GRIK3: variants seen among roughly 807,000 people sequenced by gnomAD.
The protein encoded by GRIK3 is glutamate ionotropic receptor kainate type subunit 3, also known as glutamate receptor ionotropic, kainate 3.
In GRIK3, 29 loss-of-function variants were observed where a neutral mutation model predicts 102.5. That is an observed-to-expected ratio of 0.28 (90% CI 0.21 to 0.39). The LOEUF (loss-of-function observed/expected upper bound fraction) is 0.39. Among genes scored for constraint, GRIK3 ranks in the 10% least tolerant of loss-of-function variants. GRIK3 has a pLI of 1.00. For missense variants in GRIK3, 908 were observed against 1,252.4 expected (o/e 0.73, Z 4.15); for synonymous variants, 511 against 504.9 (o/e 1.01, Z -0.16).
At chr1:36,884,828 ATGCCTTG>A (rs1641020048) in intron 2 of GRIK3, among the ~76,000 whole-genome samples, 1 of 152,140 alleles carries the variant, frequency 6.6e-6, no homozygotes, top group African/African-American at 2.4e-5. Flanking sequence ...TCATTGATTG[ATGCCTTG>A]AAGCAGTCAG....
intron 1 of GRIK3, among the ~76,000 whole-genome samples, chr1:37,029,991 G>C (rs949564801): frequency 1.3e-5 from 2 of 152,178 alleles, no homozygotes; most frequent in African/African-American, 4.8e-5. Context: ...AAAGACCCTA[G>C]GTCATTCTGA....
intron 13 of GRIK3, among the ~76,000 whole-genome samples, chr1:36,809,152 CCCATCCATCCAT>C (rs56242743): frequency 6.6e-6 from 1 of 150,994 alleles, no homozygotes. Context: ...TACCCATCAA[CCCATCCATCCAT>C]CCATCCATCC....
At chr1:36,858,309 T>G (rs1407424406) in intron 7 of GRIK3, among the ~76,000 whole-genome samples, 1 of 152,208 alleles carries the variant, frequency 6.6e-6, no homozygotes, top group Non-Finnish European at 1.5e-5. Flanking sequence ...ATCAAAGAGT[T>G]AATCAGCTCA....
At chr1:36,818,442 C>T (rs2124190657) in intron 12 of GRIK3, among the ~76,000 whole-genome samples, 1 of 152,324 alleles carries the variant, frequency 6.6e-6, no homozygotes, top group African/African-American at 2.4e-5. Context: ...TGTCCCCTCC[C>T]CAACTGGCCA....
At chr1:36,809,958 T>G (rs1642544470) in intron 13 of GRIK3, among the ~76,000 whole-genome samples, 1 of 152,134 alleles carries the variant, frequency 6.6e-6, no homozygotes. Flanking sequence ...TCCATCACCT[T>G]CAGGTAGATG....
At chr1:36,917,171 A>G (rs1047749267) in intron 1 of GRIK3, among the ~76,000 whole-genome samples, 1 of 152,220 alleles carries the variant, frequency 6.6e-6, no homozygotes, top group Non-Finnish European at 1.5e-5. Context: ...TCAGACTTGC[A>G]TGGGGCCTGT....
chr1:37,024,324 G>A (rs1337242965), intron 1 of GRIK3, among the ~76,000 whole-genome samples: 10 of 152,058 alleles, frequency 6.6e-5, no homozygotes, highest in Non-Finnish European at 5.9e-5. Context: ...AGTGGGCATG[G>A]TGATCATAAT....
chr1:36,826,711 A>C (rs901498931), intron 10 of GRIK3, among the ~76,000 whole-genome samples: 3 of 151,882 alleles, frequency 2.0e-5, no homozygotes, highest in Non-Finnish European at 2.9e-5. Context: ...GAAACAAAAG[A>C]AGCAAATCCA....
intron 7 of GRIK3, among the ~76,000 whole-genome samples, chr1:36,854,802 C>T (rs891763119): frequency 6.6e-5 from 10 of 152,184 alleles, no homozygotes; most frequent in Admixed American, 3.9e-4. Context: ...CTGTTCATGC[C>T]GTGCAACCTC....
chr1:36,943,430 T>C (rs965670092), intron 1 of GRIK3, among the ~76,000 whole-genome samples: 1 of 152,100 alleles, frequency 6.6e-6, no homozygotes, highest in Non-Finnish European at 1.5e-5. Flanking sequence ...TAAAGTAGCC[T>C]TCCTCTGACT....
intron 5 of GRIK3, among the ~76,000 whole-genome samples, chr1:36,868,407 C>G (rs1640808961): frequency 6.6e-6 from 1 of 152,228 alleles, no homozygotes; most frequent in Admixed American, 6.5e-5. Flanking sequence ...CCTGGCAGGT[C>G]CCCAGGTCTG....
Position 37,032,175 on chromosome 1 carries a change from C to T in GRIK3, c.115+1819G>A, listed in dbSNP as rs1642835308. ...CTCTTCCTAAGGGCTGGGAGGAACTCCCTAACCCATTCAATTTCACAGTAA... is the reference window on the plus strand; with the variant it reads ...CTCTTCCTAAGGGCTGGGAGGAACTTCCTAACCCATTCAATTTCACAGTAA... On this transcript the variant is annotated intron_variant, in intron 1 of 15. Transcript: ENST00000373091. 2.6e-5 allele frequency among the ~76,000 whole-genome samples: 4 copies of T among 152,268 alleles called. No homozygotes were observed. In the South Asian group the frequency reaches 6.2e-4, roughly 24 times the overall value.
In GRIK3 at chr1:36,796,029, C is replaced by T. The variant is rs1474460755; in HGVS notation, c.*5822G>A. Reference sequence around the variant, plus strand: ...CCCTACGGAACCAAGACAGGATGCTCCTCATGGGGCTGGAGTCAGGCGTGC... The same window carrying T: ...CCCTACGGAACCAAGACAGGATGCTTCTCATGGGGCTGGAGTCAGGCGTGC... On this transcript the variant is annotated 3_prime_UTR_variant, in exon 16 of 16. Coordinates refer to ENST00000373091, the MANE Select transcript of GRIK3 (RefSeq NM_000831.4). 6.6e-6 allele frequency: 1 copy of T among 152,340 alleles called. No individual in the cohort carries two copies. The highest frequency in any genetic ancestry group is 1.5e-5 in the Non-Finnish European group (1 of 68,118). 9.4% of individuals were successfully genotyped at this position (152,340 alleles called of 1,614,324 possible). A position where few individuals can be genotyped will look rare whatever the true frequency, so the allele number is the denominator to read the frequency against.
intron 10 of GRIK3, among the ~76,000 whole-genome samples, chr1:36,830,976 T>C (rs1640284912): frequency 6.6e-6 from 1 of 152,156 alleles, no homozygotes; most frequent in African/African-American, 2.4e-5. Context: ...CAGGTTCTCC[T>C]TCAGAGCCTC....
chr1:36,916,246 A>G (rs1641399053), intron 1 of GRIK3, among the ~76,000 whole-genome samples: 1 of 152,206 alleles, frequency 6.6e-6, no homozygotes, highest in Admixed American at 6.5e-5. Flanking sequence ...AAAGTTTCTA[A>G]GCTGCAAAGC....
chr1:36,881,174 G>A (rs1640972274), intron 2 of GRIK3, among the ~76,000 whole-genome samples: 1 of 152,160 alleles, frequency 6.6e-6, no homozygotes, highest in Non-Finnish European at 1.5e-5. Flanking sequence ...CATGACAAAA[G>A]TGATCACCAC....
chr1:36,975,055 A>G (rs1642181300), intron 1 of GRIK3, among the ~76,000 whole-genome samples: 2 of 152,144 alleles, frequency 1.3e-5, no homozygotes, highest in East Asian at 3.9e-4. Flanking sequence ...ATGATAAAAC[A>G]GTTCTGGAAA....
intron 1 of GRIK3, among the ~76,000 whole-genome samples, chr1:37,013,776 C>T (rs1642623420): frequency 6.6e-6 from 1 of 152,200 alleles, no homozygotes; most frequent in Non-Finnish European, 1.5e-5. Context: ...AGCCCTGAAG[C>T]CTGAAAGGGC....
At chr1:36,979,263 C>G (rs948855570) in intron 1 of GRIK3, among the ~76,000 whole-genome samples, 1 of 152,266 alleles carries the variant, frequency 6.6e-6, no homozygotes, top group South Asian at 2.1e-4. Flanking sequence ...AGGAACCATT[C>G]ACACTCCTTG....
Sources: allele counts gnomAD v4.1 joint callset (sites outside exome capture counted in the v4.1 genomes callset), GRCh38; gene constraint gnomAD v4.1.1; transcripts MANE v1.5; gene names NCBI Gene and HGNC (gene_info 2026-07-23, HGNC 2026-07-21).